Variants in SV2C observed in about 807,000 individuals in gnomAD.
SV2C encodes solute carrier family 22 member B3.
In SV2C, 49 loss-of-function variants were observed where a neutral mutation model predicts 79.7. The ratio of observed to expected loss-of-function variants is 0.61; its 90% CI spans 0.49 to 0.78. The LOEUF is 0.78. SV2C is among the 30% of genes least tolerant of loss of function. The pLI, the probability that SV2C is intolerant of heterozygous loss-of-function variation, is 0.00. For synonymous variants in SV2C, 334 were observed against 333.2 expected (o/e 1.00, Z -0.03); for missense variants, 833 against 912.9 (o/e 0.91, Z 1.13).
At chr5:75,993,563 C>A in the SV2C span, among the ~76,000 whole-genome samples, 1 of 152,058 alleles carries the variant, frequency 6.6e-6, no homozygotes, top group African/African-American at 2.4e-5. Context: ...TAGAGTTACA[C>A]AAGAACACTG....
the SV2C span, among the ~76,000 whole-genome samples, chr5:75,976,278 TCTCA>T: frequency 6.6e-6 from 1 of 152,300 alleles, no homozygotes; most frequent in African/African-American, 2.4e-5. Context: ...TCATTCTCTC[TCTCA>T]CTCTCTCTCT....
At chr5:76,161,485 C>A (rs1265588623) in intron 2 of SV2C, among the ~76,000 whole-genome samples, 1 of 152,112 alleles carries the variant, frequency 6.6e-6, no homozygotes, top group African/African-American at 2.4e-5. Flanking sequence ...GCACATGACA[C>A]CATGTCCGGC....
intron 1 of SV2C, among the ~76,000 whole-genome samples, chr5:76,110,314 T>C (rs1361876671): frequency 6.6e-6 from 1 of 152,174 alleles, no homozygotes; most frequent in African/African-American, 2.4e-5. Context: ...TGATTTGTTG[T>C]GCTCGTTGGG....
Position 76,103,253 on chromosome 5 carries a change from G to C in SV2C, c.-102+19741G>C, listed in dbSNP as rs185243475. On this transcript the variant is annotated intron_variant, in intron 1 of 12. Transcript: ENST00000502798. ...CACTGAAATGCAAAGCAGGGAGAGA[G>C]AGAGAGAAACTTTGATGTATTATTC... Among the ~76,000 whole-genome samples, 1,141 of 152,272 alleles carry C rather than the reference G, an allele frequency of 7.5e-3. 13 individuals carry two copies. Among genetic ancestry groups the C allele is most frequent in the Non-Finnish European group, 9.5e-3 (649 of 68,012 alleles).
At chr5:76,176,319 G>A (rs34667328) in intron 2 of SV2C, among the ~76,000 whole-genome samples, 14,633 of 152,208 alleles carry the variant, frequency 0.096, 890 homozygotes, top group Non-Finnish European at 0.13. Flanking sequence ...GAAGAGCTGC[G>A]GTTTTGTTTC....
chr5:76,184,653 C>T (rs1743854784), intron 2 of SV2C, among the ~76,000 whole-genome samples: 1 of 152,174 alleles, frequency 6.6e-6, no homozygotes, highest in South Asian at 2.1e-4. Flanking sequence ...TTGTAAAACT[C>T]TCAGATCTCA....
chr5:76,156,478 G>A (rs761448797), intron 2 of SV2C, among the ~76,000 whole-genome samples: 4 of 152,122 alleles, frequency 2.6e-5, no homozygotes, highest in Admixed American at 6.6e-5. Flanking sequence ...GTTTCCAACA[G>A]AAAAACTATG....
intron 4 of SV2C, among the ~76,000 whole-genome samples, chr5:76,258,896 T>A (rs1240081549): frequency 6.6e-6 from 1 of 152,238 alleles, no homozygotes; most frequent in East Asian, 1.9e-4. Flanking sequence ...GAACTTCATT[T>A]AAATAAAATA....
chr5:76,236,994 A>T (rs184472222), intron 4 of SV2C, among the ~76,000 whole-genome samples: 2 of 151,712 alleles, frequency 1.3e-5, no homozygotes, highest in African/African-American at 2.4e-5. Flanking sequence ...GCTTGCACTC[A>T]CTCCGTCCTG....
rs189396918 is a variant in SV2C, at chr5:76,213,139, C to A, written c.913+3252C>A. On this transcript the variant is annotated intron_variant, in intron 4 of 12. Coordinates refer to ENST00000502798, the MANE Select transcript of SV2C (RefSeq NM_014979.4). ...AATGTCAATATGAAAACCTTATGCC[C>A]ATGCTTTACTAAAGGCTTTCCATGG... Among the ~76,000 whole-genome samples, 8 of 152,198 alleles carry A rather than the reference C, an allele frequency of 5.3e-5. No individual in the cohort carries two copies. In the East Asian group the frequency reaches 1.5e-3, roughly 29 times the overall value.
chr5:76,330,839 A>G lies in SV2C; in HGVS notation c.*5292A>G, dbSNP rs1467738607. The G allele has an allele frequency of 1.9e-5, 2 of 108,036 alleles. No homozygotes were observed. The highest frequency in any genetic ancestry group is 7.2e-5 in the African/African-American group (2 of 27,806). The allele number at this position is 108,036 out of a possible 1,614,324, so 6.7% of individuals were successfully genotyped here. A position where few individuals can be genotyped will look rare whatever the true frequency, so the allele number is the denominator to read the frequency against. On this transcript the variant is annotated 3_prime_UTR_variant, in exon 13 of 13. Coordinates refer to ENST00000502798, the MANE Select transcript of SV2C (RefSeq NM_014979.4). ...GGAGCAGAGATAGCCCCATCTCTCT[A>G]GAGCATTTTTTTTTTTTTTTTGGGC...
chr5:76,137,915 G>A (rs1749122016), intron 2 of SV2C, among the ~76,000 whole-genome samples: 1 of 152,042 alleles, frequency 6.6e-6, no homozygotes, highest in Non-Finnish European at 1.5e-5. Context: ...CATCCATTTA[G>A]GTGAGAAAGG....
chr5:76,021,449 C>G, the SV2C span, among the ~76,000 whole-genome samples: 1 of 152,180 alleles, frequency 6.6e-6, no homozygotes, highest in Non-Finnish European at 1.5e-5. Context: ...TGGTACAGAT[C>G]AATGTTTATC....
chr5:75,880,792 A>G, the SV2C span, among the ~76,000 whole-genome samples: 16 of 152,290 alleles, frequency 1.1e-4, no homozygotes, highest in Admixed American at 5.2e-4. Context: ...CTTTATATCA[A>G]TGCCCCACTT....
chr5:76,167,813 A>G (rs1743089766), intron 2 of SV2C, among the ~76,000 whole-genome samples: 1 of 152,098 alleles, frequency 6.6e-6, no homozygotes, highest in Non-Finnish European at 1.5e-5. Flanking sequence ...TTATCAGCTG[A>G]GTTATACTGA....
At chr5:76,148,110 G>A (rs991924523) in intron 2 of SV2C, among the ~76,000 whole-genome samples, 2 of 152,088 alleles carry the variant, frequency 1.3e-5, no homozygotes, top group South Asian at 2.1e-4. Flanking sequence ...TTTTACAACC[G>A]GGCTTTGGGC....
At chr5:76,130,919 C>G (rs1748867438) in intron 1 of SV2C, among the ~76,000 whole-genome samples, 1 of 151,998 alleles carries the variant, frequency 6.6e-6, no homozygotes, top group African/African-American at 2.4e-5. Flanking sequence ...CCCTGAAGGC[C>G]TGGGGGTAGT....
At chr5:76,067,071 T>A in the SV2C span, among the ~76,000 whole-genome samples, 1 of 152,340 alleles carries the variant, frequency 6.6e-6, no homozygotes, top group Admixed American at 6.5e-5. Flanking sequence ...AAAAAAGATG[T>A]GATCTAAATT....
At chr5:76,068,909 T>G in the SV2C span, among the ~76,000 whole-genome samples, 2 of 152,188 alleles carry the variant, frequency 1.3e-5, no homozygotes, top group Admixed American at 1.3e-4. Context: ...TCTTATAATA[T>G]GTTGTATACA....
Sources: allele counts gnomAD v4.1 joint callset (sites outside exome capture counted in the v4.1 genomes callset), GRCh38; gene constraint gnomAD v4.1.1; transcripts MANE v1.5; gene names NCBI Gene and HGNC (gene_info 2026-07-23, HGNC 2026-07-21).